The following EPRS1 variants were observed in gnomAD, a reference collection of about 807,000 sequenced individuals.
EPRS1 encodes glutamyl-prolyl-tRNA synthetase 1, also known as bifunctional glutamate/proline--tRNA ligase.
In EPRS1, 107 loss-of-function variants were observed where a neutral mutation model predicts 188.3. The observed-to-expected ratio is 0.57, with a 90% CI of 0.49 to 0.67. The LOEUF (loss-of-function observed/expected upper bound fraction) is 0.67. EPRS1 is among the 30% of genes least tolerant of loss of function. The probability of loss-of-function intolerance (pLI) is 0.00; values close to 1 mark genes in which losing one functional copy is unlikely to be tolerated. For missense variants in EPRS1, 1,577 were observed against 1,802.2 expected, an observed-to-expected ratio of 0.88 and a Z score of 2.26; for synonymous variants, 596 against 593.1, an observed-to-expected ratio of 1.00 and a Z score of -0.07.
intron 28 of EPRS1, 34 bp downstream of exon 28, chr1:219,978,512 T>A (rs775201296): frequency 3.4e-6 from 5 of 1,481,232 alleles, no homozygotes; most frequent in Admixed American, 2.2e-5. Flanking sequence ...AAATTGCAGA[T>A]GTTGGGGGTA....
At position 220,006,164 on chromosome 1, in the gene EPRS1, G is replaced by A. The variant is rs370030761; in HGVS notation, c.1892C>T (p.Thr631Ile). ...VICVTYEHLI[T>I]KPVLGKDEDF... is the part of the protein sequence containing the mutation. ...CTCGTCTTTTCCTAGCACTGGCTTT[G>A]TGATCAAGTGCTCATAAGTGACACA... Residue 631 changes from threonine to isoleucine, a missense_variant, in exon 15 of 32, where the codon ACA (threonine) becomes ATA (isoleucine). Transcript: ENST00000366923. The A allele has an allele frequency of 6.3e-7, 1 of 1,597,084 alleles. No individual in the cohort carries two copies. Among genetic ancestry groups the A allele is most frequent in the Non-Finnish European group, 8.5e-7 (1 of 1,169,828 alleles).
chr1:220,026,569 C>T (rs1364008801), intron 6 of EPRS1, among the ~76,000 whole-genome samples: 2 of 151,252 alleles, frequency 1.3e-5, no homozygotes, highest in Admixed American at 6.6e-5. Context: ...CTCGCTCTGT[C>T]GCCCAGGCTG....
At chr1:220,032,311 C>T in intron 5 of EPRS1, 76 bp downstream of exon 5, 2 of 1,178,314 alleles carry the variant, frequency 1.7e-6, no homozygotes, top group Non-Finnish European at 2.4e-6. Context: ...TGGTCTCAAT[C>T]TCCTGACCTT....
chr1:219,980,289 C>T (rs1660870364), intron 25 of EPRS1, 49 bp from the exon 26 acceptor site: 1 of 1,436,140 alleles, frequency 7.0e-7, no homozygotes, highest in Admixed American at 1.8e-5. Flanking sequence ...TACATTTATT[C>T]ATTAAGATCT....
intron 30 of EPRS1, among the ~76,000 whole-genome samples, chr1:219,970,417 G>C (rs1201749148): frequency 7.0e-5 from 2 of 28,720 alleles, no homozygotes; most frequent in Non-Finnish European, 1.1e-4. Flanking sequence ...ACAGAAAATC[G>C]TAAATAAAGT....
intron 19 of EPRS1, 30 bp downstream of exon 19, chr1:219,988,559 CA>C: frequency 6.8e-7 from 1 of 1,477,612 alleles, no homozygotes; most frequent in South Asian, 1.2e-5. Context: ...ACATAAAAAA[CA>C]AAAGCATATA....
At chr1:220,037,402 G>A (rs1333380729) in intron 2 of EPRS1, among the ~76,000 whole-genome samples, 3 of 151,620 alleles carry the variant, frequency 2.0e-5, no homozygotes, top group African/African-American at 7.3e-5. Context: ...CTACTTAGGA[G>A]GCTGAGGCAG....
At chr1:219,972,860 C>T (rs1660696180) in intron 29 of EPRS1, among the ~76,000 whole-genome samples, 1 of 152,136 alleles carries the variant, frequency 6.6e-6, no homozygotes, top group African/African-American at 2.4e-5. Context: ...CTCTCCAGTC[C>T]AATTAAATTA....
intron 12 of EPRS1, among the ~76,000 whole-genome samples, chr1:220,013,824 T>C (rs1661650997): frequency 6.6e-6 from 1 of 152,094 alleles, no homozygotes; most frequent in Admixed American, 6.6e-5. Context: ...AAAGTAATGA[T>C]CACAATGATT....
rs766968988 is a variant in EPRS1, at chr1:220,010,926, G to A, written c.1605+20C>T. 1 of 1,395,222 alleles carries A rather than the reference G, an allele frequency of 7.2e-7. No homozygotes were observed. The highest frequency in any genetic ancestry group is 2.3e-5 in the East Asian group (1 of 43,540). The allele number at this position is 1,395,222 out of a possible 1,614,324, so 86.4% of individuals were successfully genotyped here. A position where few individuals can be genotyped will look rare whatever the true frequency, so the allele number is the denominator to read the frequency against. On this transcript the variant is annotated intron_variant, in intron 13 of 31. Transcript: ENST00000366923. ...TTCTTTTAACAGAGAGAAACACATT[G>A]GTGAAACTGTAAGAGTGACCTTTGG...
chr1:220,000,407 T>C (rs551431042), intron 17 of EPRS1, among the ~76,000 whole-genome samples: 35 of 152,312 alleles, frequency 2.3e-4, no homozygotes, highest in Admixed American at 2.2e-3. Context: ...TATTACGATG[T>C]ATTTTGTCTT....
At chr1:220,023,287 G>A (rs1189702842) in intron 8 of EPRS1, among the ~76,000 whole-genome samples, 2 of 152,118 alleles carry the variant, frequency 1.3e-5, no homozygotes, top group East Asian at 1.9e-4. Flanking sequence ...TAAGACACTT[G>A]CCCTCAAATA....
chr1:220,008,107 C>CAAAAA (rs55642831), intron 13 of EPRS1, among the ~76,000 whole-genome samples: 2 of 133,350 alleles, frequency 1.5e-5, no homozygotes, highest in African/African-American at 5.7e-5. Flanking sequence ...ACTCCGTCAC[C>CAAAAA]AAAAAAAAAA....
chr1:220,037,482 G>A (rs1662205965), intron 2 of EPRS1, among the ~76,000 whole-genome samples: 1 of 137,112 alleles, frequency 7.3e-6, no homozygotes, highest in African/African-American at 2.8e-5. Flanking sequence ...TCCAGCCTGG[G>A]CAACACAGCA....
At chr1:219,980,909 T>G in intron 24 of EPRS1, 52 bp from the exon 25 acceptor site, 2 of 1,311,472 alleles carry the variant, frequency 1.5e-6, no homozygotes, top group South Asian at 1.2e-5. Flanking sequence ...TTTCAATTTT[T>G]TTTTTTTGGA....
intron 17 of EPRS1, among the ~76,000 whole-genome samples, chr1:219,998,918 CAAA>C (rs35145633): frequency 2.5e-4 from 31 of 126,392 alleles, no homozygotes; most frequent in Non-Finnish European, 1.9e-4. Context: ...AGTGTAACAC[CAAA>C]AAAAAAAAAA....
rs1018291701 is a variant in EPRS1, at chr1:219,972,837, T to A, written c.4244+401A>T. On this transcript the variant is annotated intron_variant, in intron 29 of 31. Transcript: ENST00000366923. ...TCCCCTGGGGGAGCTTTTAACAGTA[T>A]AGTTTCCAGGCCCTCTCCAGTCCAA... Among the ~76,000 whole-genome samples, 6 of 152,334 alleles carry A rather than the reference T, an allele frequency of 3.9e-5. 1 individual carries two copies. In the South Asian group the frequency reaches 6.2e-4, roughly 16 times the overall value.
chr1:220,012,828 G>C (rs1181856126), intron 12 of EPRS1, among the ~76,000 whole-genome samples: 1 of 152,018 alleles, frequency 6.6e-6, no homozygotes, highest in South Asian at 2.1e-4. Flanking sequence ...TAAGTGAAGG[G>C]GGAAGGACCA....
Position 220,006,097 on chromosome 1 carries a change from G to T in EPRS1, c.1950+9C>A, listed in dbSNP as rs374719923. 11 of 1,493,268 alleles carry T rather than the reference G, an allele frequency of 7.4e-6. No homozygotes were observed. The African/African-American group carries it at 1.3e-4, about 17-fold the overall frequency. 92.5% of individuals were successfully genotyped at this position (1,493,268 alleles called of 1,614,324 possible). On this transcript the variant is annotated intron_variant, in intron 15 of 31. Transcript: ENST00000366923. ...TAAAAGGTGAAATATGGTTTCTTTG[G>T]AAGGTTACCTTACTGTTCTTGTTGA...
Sources: gnomAD v4.1 joint callset for allele counts (sites outside exome capture counted in the v4.1 genomes callset) on GRCh38, gnomAD v4.1.1 for gene constraint, MANE v1.5 for transcripts, NCBI Gene and HGNC (gene_info 2026-07-23, HGNC 2026-07-21) for gene names.